DOCK5: variants seen among roughly 807,000 people sequenced by gnomAD.
DOCK5 encodes dedicator of cytokinesis 5.
Under a neutral mutation model 251.8 loss-of-function variants are expected in DOCK5, and 142 were observed. The observed-to-expected ratio is 0.56, with a 90% CI of 0.49 to 0.65. DOCK5 has a LOEUF of 0.65. DOCK5 is among the 30% of genes least tolerant of loss of function. The pLI is 0.00. For missense variants in DOCK5, 2,111 were observed against 2,312.3 expected (o/e 0.91, Z 1.79); for synonymous variants, 842 against 835.5 (o/e 1.01, Z -0.13).
At chr8:25,337,524 T>A (rs887407710) in intron 22 of DOCK5, among the ~76,000 whole-genome samples, 1 of 151,798 alleles carries the variant, frequency 6.6e-6, no homozygotes, top group Non-Finnish European at 1.5e-5. Context: ...TGTGAAAGTA[T>A]GTACATTCAG....
At chr8:25,261,803 G>C (rs1054023061) in intron 2 of DOCK5, among the ~76,000 whole-genome samples, 1 of 152,152 alleles carries the variant, frequency 6.6e-6, no homozygotes, top group African/African-American at 2.4e-5. Context: ...ATCTGGTTTA[G>C]ATCACTGCGA....
chr8:25,325,422 T>C lies in DOCK5; in HGVS notation c.1778T>C (p.Met593Thr). The change falls in exon 18 of 52, where the codon ATG becomes ACG. Residue 593 changes from methionine to threonine, a missense_variant. Met to Thr is a moderately conservative substitution (Grantham distance 81). Around this residue, in one of 3 missense-constraint regions of DOCK5, gnomAD observed 1,717 missense variants for 1,892.4 expected, o/e 0.91. Transcript: ENST00000276440. Reference protein sequence around the residue: ...KFYLTLPGTKMEMEEKELQAS... With the variant: ...KFYLTLPGTKTEMEEKELQAS... ...TACCTGACCCTGCCTGGAACCAAGA[T>C]GGAGATGGAAGAAAAAGAGCTTCAA... The C allele has an allele frequency of 1.9e-6, 3 of 1,613,922 alleles. No individual in the cohort carries two copies. Among genetic ancestry groups the C allele is most frequent in the Non-Finnish European group, 2.5e-6 (3 of 1,179,856 alleles).
chr8:25,325,680 T>C (rs1199499387), intron 18 of DOCK5, 133 bp downstream of exon 18: 8 of 1,040,026 alleles, frequency 7.7e-6, no homozygotes, highest in Non-Finnish European at 1.1e-5. Flanking sequence ...TGGATTCTGC[T>C]CTCTGCTTTT....
intron 49 of DOCK5, among the ~76,000 whole-genome samples, 190 bp downstream of exon 49, chr8:25,408,344 A>G (rs1309099073): frequency 3.3e-5 from 5 of 152,308 alleles, no homozygotes; most frequent in South Asian, 4.1e-4. Context: ...GTTCGAGTCT[A>G]TAAATCAACA....
chr8:25,372,783 A>C, intron 35 of DOCK5, 65 bp downstream of exon 35: 62 of 1,477,636 alleles, frequency 4.2e-5, no homozygotes, highest in Non-Finnish European at 5.0e-5. Context: ...CCTACAGCTC[A>C]GCTCTAGGTA....
chr8:25,310,672 A>T, intron 13 of DOCK5, 140 bp downstream of exon 13: 1 of 952,226 alleles, frequency 1.1e-6, no homozygotes, highest in East Asian at 2.8e-5. Flanking sequence ...ACAAACAGAG[A>T]CACCTGCAAT....
intron 1 of DOCK5, among the ~76,000 whole-genome samples, chr8:25,226,273 T>C (rs1268038784): frequency 7.1e-6 from 1 of 140,698 alleles, no homozygotes; most frequent in Non-Finnish European, 1.5e-5. Context: ...TTTTTTTTTT[T>C]TTTTTTTGGA....
intron 37 of DOCK5, chr8:25,376,201 G>C: frequency 1.0e-6 from 1 of 985,074 alleles, no homozygotes; most frequent in Non-Finnish European, 1.2e-6. Context: ...GAAATCCCCA[G>C]TGTCTGTAAC....
rs142337290 is a variant in DOCK5, at chr8:25,213,238, A to G, written c.43+28287A>G. On this transcript the variant is annotated intron_variant, in intron 1 of 51. Transcript: ENST00000276440. ...TGTTTCCAGCCTCAGCCTCAAATGA[A>G]TGGGCACCAGGATGGGCCGCAGTGA... Among the ~76,000 whole-genome samples the G allele has an allele frequency of 2.4e-3, 360 of 152,000 alleles. 5 individuals are homozygous for G. Among genetic ancestry groups the G allele is most frequent in the African/African-American group, 8.2e-3 (341 of 41,428 alleles).
intron 1 of DOCK5, among the ~76,000 whole-genome samples, chr8:25,211,926 C>T (rs1307693340): frequency 8.6e-5 from 6 of 69,690 alleles, no homozygotes; most frequent in South Asian, 3.8e-4. Context: ...TTTGGGAGGC[C>T]GAGATGGGCA....
intron 27 of DOCK5, among the ~76,000 whole-genome samples, chr8:25,357,833 G>A (rs999487655): frequency 1.3e-5 from 2 of 152,038 alleles, no homozygotes; most frequent in African/African-American, 4.8e-5. Context: ...ATTCCTTTGT[G>A]TTATTTTCAT....
intron 2 of DOCK5, among the ~76,000 whole-genome samples, chr8:25,254,560 G>A (rs1301042064): frequency 6.6e-6 from 1 of 151,796 alleles, no homozygotes; most frequent in Non-Finnish European, 1.5e-5. Context: ...CAGATCACGA[G>A]GTCAAGAGAT....
chr8:25,400,846 C>T (rs2117335012), intron 46 of DOCK5, 83 bp from the exon 47 acceptor site: 5 of 1,511,224 alleles, frequency 3.3e-6, no homozygotes, highest in Middle Eastern at 3.9e-4. Context: ...TACCTTTCCA[C>T]CCCATCCCTC....
intron 1 of DOCK5, among the ~76,000 whole-genome samples, chr8:25,241,100 A>G (rs1211640883): frequency 1.3e-5 from 2 of 152,188 alleles, no homozygotes; most frequent in Non-Finnish European, 2.9e-5. Context: ...GCTCCTCTCA[A>G]AATCCTTATC....
chr8:25,266,275 G>A (rs1803746349), intron 2 of DOCK5, among the ~76,000 whole-genome samples: 1 of 151,370 alleles, frequency 6.6e-6, no homozygotes, highest in Admixed American at 6.6e-5. Context: ...GAGTGCAGTG[G>A]CACTATCTCG....
At chr8:25,187,264 TACAC>T (rs58401943) in intron 1 of DOCK5, among the ~76,000 whole-genome samples, 1 of 148,632 alleles carries the variant, frequency 6.7e-6, no homozygotes, top group African/African-American at 2.5e-5. Flanking sequence ...CACACACGTA[TACAC>T]ACACATATAT....
At chr8:25,382,635 T>A (rs1023836803) in intron 39 of DOCK5, 39 bp from the exon 40 acceptor site, 30 of 1,517,546 alleles carry the variant, frequency 2.0e-5, no homozygotes, top group Non-Finnish European at 2.6e-5. Flanking sequence ...AACTGTGTAC[T>A]TATAACCTCC....
At chr8:25,242,852 C>T (rs1802989933) in intron 1 of DOCK5, among the ~76,000 whole-genome samples, 1 of 152,190 alleles carries the variant, frequency 6.6e-6, no homozygotes, top group Non-Finnish European at 1.5e-5. Flanking sequence ...CAGTTTGTCA[C>T]TGGAGGGTGG....
chr8:25,415,563 A>C lies in DOCK5; in HGVS notation c.*4265A>C, dbSNP rs1269885940. The C allele has an allele frequency of 2.0e-5, 3 of 152,326 alleles. No individual in the cohort carries two copies. Among genetic ancestry groups the C allele is most frequent in the African/African-American group, 7.2e-5 (3 of 41,588 alleles). The allele number at this position is 152,326 out of a possible 1,614,324, so 9.4% of individuals were successfully genotyped here. A position where few individuals can be genotyped will look rare whatever the true frequency, so the allele number is the denominator to read the frequency against. On this transcript the variant is annotated 3_prime_UTR_variant, in exon 52 of 52. Transcript: ENST00000276440. ...GCCATATTTTGTGAGTCGTTTGTCT[A>C]AACTTTGTCAAAAATGCCTTTGCCA...
Sources: allele counts gnomAD v4.1 joint callset (sites outside exome capture counted in the v4.1 genomes callset), GRCh38; gene constraint gnomAD v4.1.1; regional missense constraint gnomAD v4.1.1; transcripts MANE v1.5; gene names NCBI Gene and HGNC (gene_info 2026-07-23, HGNC 2026-07-21).